SORL1: variants seen among roughly 807,000 people sequenced by gnomAD.
SORL1 encodes the protein sortilin-related receptor.
SORL1 carries 127 observed loss-of-function variants against 273.7 expected under a neutral mutation model. That is an observed-to-expected ratio of 0.46 (90% CI 0.40 to 0.54). SORL1 has a LOEUF of 0.54. Among genes scored for constraint, SORL1 ranks in the 20% least tolerant of loss-of-function variants. The pLI is 0.00. For missense variants in SORL1, 2,494 were observed against 2,846.1 expected (o/e 0.88, Z 2.81); for synonymous variants, 1,031 against 1,067.4 (o/e 0.97, Z 0.66).
At chr11:121,522,824 G>T in intron 10 of SORL1, 92 bp from the exon 11 acceptor site, 1 of 1,369,972 alleles carries the variant, frequency 7.3e-7, no homozygotes, top group Non-Finnish European at 1.0e-6. Context: ...AGCATTCTTA[G>T]TTGCTAGATA....
chr11:121,627,821 C>A lies in SORL1; in HGVS notation c.6577+54C>A. 3 of 1,322,530 alleles carry A rather than the reference C, an allele frequency of 2.3e-6. No homozygotes were observed. The highest frequency in any genetic ancestry group is 2.1e-6 in the Non-Finnish European group (2 of 941,080). 81.9% of individuals were successfully genotyped at this position (1,322,530 alleles called of 1,614,324 possible). On this transcript the variant is annotated intron_variant, in intron 47 of 47. Transcript: ENST00000260197. This position sits in a 1 kb window ranked among gnomAD's most constrained non-coding sequence, Gnocchi z 4.9. Reference sequence around the variant, plus strand: ...CCTCCCAGGGCTGACCCCCACGCAGCCAATGACTTGATTAGGAAACACCCA... The same window carrying A: ...CCTCCCAGGGCTGACCCCCACGCAGACAATGACTTGATTAGGAAACACCCA...
intron 13 of SORL1, among the ~76,000 whole-genome samples, chr11:121,544,074 G>A (rs2134887473): frequency 6.6e-6 from 1 of 152,232 alleles, no homozygotes; most frequent in East Asian, 1.9e-4. Context: ...CTGACTGTCT[G>A]TAAGTCAGTG....
At chr11:121,560,411 T>TC (rs1862653670) in intron 21 of SORL1, among the ~76,000 whole-genome samples, 1 of 152,224 alleles carries the variant, frequency 6.6e-6, no homozygotes, top group Non-Finnish European at 1.5e-5. Context: ...CTTTATCATT[T>TC]CATGACTGCT....
intron 11 of SORL1, among the ~76,000 whole-genome samples, chr11:121,527,466 A>T (rs1253175972): frequency 1.3e-5 from 2 of 151,150 alleles, no homozygotes; most frequent in Admixed American, 1.3e-4. Flanking sequence ...TTTTTTTTGT[A>T]AAATCTTTCT....
intron 6 of SORL1, among the ~76,000 whole-genome samples, chr11:121,506,512 T>G (rs1843023016): frequency 4.6e-5 from 7 of 152,146 alleles, no homozygotes; most frequent in Admixed American, 4.6e-4. Context: ...TGAGACTTAT[T>G]CACTATCAGG....
At chr11:121,471,445 T>G (rs1032485765) in intron 2 of SORL1, among the ~76,000 whole-genome samples, 17 of 152,220 alleles carry the variant, frequency 1.1e-4, no homozygotes, top group Non-Finnish European at 2.4e-4. Flanking sequence ...GTCTGCGGCC[T>G]GTGCTCTGGA....
chr11:121,498,855 A>G (rs1192728856), intron 6 of SORL1, among the ~76,000 whole-genome samples: 4 of 149,648 alleles, frequency 2.7e-5, no homozygotes, highest in Admixed American at 2.0e-4. Flanking sequence ...CAATCTGAGC[A>G]ACAGAGCAAG....
At chr11:121,557,156 T>C in intron 18 of SORL1, 158 bp from the exon 19 acceptor site, 1 of 656,206 alleles carries the variant, frequency 1.5e-6, no homozygotes, top group Admixed American at 2.3e-5. Flanking sequence ...GCATTGTGAC[T>C]AGAAGTTGGG....
intron 13 of SORL1, 120 bp downstream of exon 13, chr11:121,543,846 GC>G: frequency 1.2e-6 from 1 of 856,544 alleles, no homozygotes; most frequent in Non-Finnish European, 1.8e-6. Flanking sequence ...GGGGAGATGG[GC>G]CCATAAGAGT....
intron 12 of SORL1, 83 bp downstream of exon 12, chr11:121,532,635 A>AGTGCTG: frequency 8.3e-7 from 1 of 1,205,964 alleles, no homozygotes; most frequent in Non-Finnish European, 1.2e-6. Flanking sequence ...TTATCTCTCT[A>AGTGCTG]TAGCACTATG....
chr11:121,575,382 G>A (rs758630934), intron 24 of SORL1, among the ~76,000 whole-genome samples: 35 of 152,254 alleles, frequency 2.3e-4, no homozygotes, highest in Non-Finnish European at 4.3e-4. Context: ...GCATGAGAGG[G>A]AAGTGAGAGT....
intron 19 of SORL1, among the ~76,000 whole-genome samples, chr11:121,557,656 G>A (rs1038626857): frequency 1.3e-5 from 2 of 152,212 alleles, no homozygotes; most frequent in African/African-American, 4.8e-5. Flanking sequence ...CTCTAGAAAA[G>A]TTGATGTTAA....
Position 121,550,098 on chromosome 11 carries a change from A to G in SORL1, c.2180+10A>G, listed in dbSNP as rs1232419369. 1 of 1,611,360 alleles carries G rather than the reference A, an allele frequency of 6.2e-7. No individual in the cohort carries two copies. The highest frequency in any genetic ancestry group is 1.7e-5 in the Admixed American group (1 of 59,566). On this transcript the variant is annotated intron_variant, in intron 15 of 47. Transcript: ENST00000260197. This position sits in a 1 kb window ranked among gnomAD's most constrained non-coding sequence, Gnocchi z 5.3. ...ACAGGAGAACGAGAGGGTATGTATC[A>G]CAGAGGTTGCCCTGTCAGGTTCTCA...
At chr11:121,591,618 A>G (rs1863215387) in intron 31 of SORL1, among the ~76,000 whole-genome samples, 1 of 152,166 alleles carries the variant, frequency 6.6e-6, no homozygotes, top group Non-Finnish European at 1.5e-5. Flanking sequence ...AAACTCAAAG[A>G]GGCAGCTGAA....
At position 121,507,923 on chromosome 11, in the gene SORL1, T is replaced by C. The variant is rs187741936; in HGVS notation, c.940-5080T>C. 1.4e-4 allele frequency among the ~76,000 whole-genome samples: 22 copies of C among 152,296 alleles called. No homozygotes were observed. In the East Asian group the frequency reaches 4.2e-3, roughly 29 times the overall value. On this transcript the variant is annotated intron_variant, in intron 6 of 47. Transcript: ENST00000260197. ...ACCACTGACACCCCTTCCTCAGGGT[T>C]TTGTGTTGTTGCTGTTTGTTGTTGC...
At chr11:121,585,553 A>G (rs910069108) in intron 26 of SORL1, among the ~76,000 whole-genome samples, 1 of 151,548 alleles carries the variant, frequency 6.6e-6, no homozygotes, top group African/African-American at 2.4e-5. Flanking sequence ...CAAAATGGAA[A>G]TGTTCAAAAT....
At chr11:121,491,386 T>C (rs1040516814) in intron 5 of SORL1, among the ~76,000 whole-genome samples, 7 of 152,236 alleles carry the variant, frequency 4.6e-5, no homozygotes, top group African/African-American at 1.2e-4. Context: ...TCTTGAATTA[T>C]ATGAATTTGT....
intron 26 of SORL1, 100 bp from the exon 27 acceptor site, chr11:121,586,122 C>T (rs923107638): frequency 5.6e-6 from 5 of 897,566 alleles, no homozygotes; most frequent in Non-Finnish European, 9.4e-6. Context: ...AAATTGCCCT[C>T]CCCAGTGGTG....
chr11:121,558,741 C>T lies in SORL1; in HGVS notation c.2814C>T (p.Ala938=). ...VDDQWIYWTD[A]YLECIERITF... is the part of the protein sequence containing the mutation. ...ACCAGTGGATTTACTGGACGGATGC[C>T]TACCTGGAGTGCATAGAGCGGATCA... The change falls in exon 20 of 48, where the codon GCC becomes GCT. Residue 938 remains alanine (A), a synonymous_variant. Transcript: ENST00000260197. The T allele has an allele frequency of 1.2e-6, 2 of 1,614,160 alleles. No individual in the cohort carries two copies. The highest frequency in any genetic ancestry group is 8.5e-7 in the Non-Finnish European group (1 of 1,180,030).
Sources: allele counts gnomAD v4.1 joint callset (sites outside exome capture counted in the v4.1 genomes callset), GRCh38; gene constraint gnomAD v4.1.1; non-coding constraint Gnocchi (gnomAD v3.1); transcripts MANE v1.5; gene names NCBI Gene and HGNC (gene_info 2026-07-23, HGNC 2026-07-21).